IQSEC3: variants seen among roughly 807,000 people sequenced by gnomAD.
IQSEC3 encodes the protein IQ motif and SEC7 domain-containing protein 3.
In IQSEC3, 50 loss-of-function variants were observed where a neutral mutation model predicts 105.4. That is an observed-to-expected ratio of 0.47 (90% CI 0.38 to 0.60). The LOEUF (loss-of-function observed/expected upper bound fraction) is 0.60, where lower values mean the gene tolerates loss of function less well. Among genes scored for constraint, IQSEC3 ranks in the 20% least tolerant of loss-of-function variants. IQSEC3 has a pLI of 0.00. For missense variants in IQSEC3, 1,415 were observed against 1,630.0 expected (o/e 0.87, Z 2.27); for synonymous variants, 708 against 746.0 (o/e 0.95, Z 0.83).
At chr12:147,749 A>C (rs2137021698) in intron 5 of IQSEC3, 1 of 152,202 alleles carries the variant, frequency 6.6e-6, no homozygotes, top group South Asian at 2.1e-4. Context: ...GTACTCTCCC[A>C]CCTCTTACCT....
chr12:118,553 G>A (rs1555081143), intron 2 of IQSEC3, among the ~76,000 whole-genome samples: 1 of 151,176 alleles, frequency 6.6e-6, no homozygotes, highest in Non-Finnish European at 1.5e-5. Context: ...CCCTCTGGAG[G>A]AGTCTTCATA....
In IQSEC3 at chr12:111,305, G is replaced by C. The variant is rs1368606053; in HGVS notation, c.623+12091G>C. On this transcript the variant is annotated intron_variant, in intron 2 of 13. Coordinates refer to ENST00000538872, the MANE Select transcript of IQSEC3 (RefSeq NM_001170738.2). ...GCCAAAAGACCAAAGGTTGACGAAT[G>C]GGCTTTTTGGGCCAGATAAAACAAC... 3.5e-4 allele frequency among the ~76,000 whole-genome samples: 53 copies of C among 152,126 alleles called. 1 individual carries two copies. Among genetic ancestry groups the C allele is most frequent in the Admixed American group, 3.5e-3 (53 of 15,274 alleles).
chr12:138,095 C>A lies in IQSEC3; in HGVS notation c.904-172C>A, dbSNP rs902563190. 1.3e-5 allele frequency among the ~76,000 whole-genome samples: 2 copies of A among 152,138 alleles called. No homozygotes were observed. Among genetic ancestry groups the A allele is most frequent in the African/African-American group, 4.8e-5 (2 of 41,426 alleles). ...TCCTACACCTCTAGGAGTCTTGCCA[C>A]GTGGCCAGGACGTTCTAGGCGGTTC... On this transcript the variant is annotated intron_variant, in intron 3 of 13. Transcript: ENST00000538872. This position sits in a 1 kb window ranked among gnomAD's most constrained non-coding sequence, Gnocchi z 7.1.
intron 2 of IQSEC3, among the ~76,000 whole-genome samples, chr12:100,550 T>TCC (rs1864391601): frequency 6.6e-6 from 1 of 152,094 alleles, no homozygotes; most frequent in African/African-American, 2.4e-5. Flanking sequence ...GGCGGGGCTC[T>TCC]GAGGAGGACT....
At chr12:92,134 T>A (rs781840031) in intron 1 of IQSEC3, among the ~76,000 whole-genome samples, 6 of 152,078 alleles carry the variant, frequency 3.9e-5, no homozygotes, top group Non-Finnish European at 5.9e-5. Context: ...CTCATCAATA[T>A]GGGGGATTTG....
At chr12:70,295 T>C (rs1863263137) in intron 1 of IQSEC3, among the ~76,000 whole-genome samples, 1 of 152,252 alleles carries the variant, frequency 6.6e-6, no homozygotes, top group African/African-American at 2.4e-5. Flanking sequence ...ATGAATCATT[T>C]AATTGCCATC....
intron 2 of IQSEC3, among the ~76,000 whole-genome samples, chr12:102,197 G>A (rs1555076364): frequency 1.3e-5 from 2 of 150,638 alleles, no homozygotes; most frequent in Non-Finnish European, 3.0e-5. Context: ...CGTCAGTCTG[G>A]CTCCTCCCCC....
chr12:100,400 T>C (rs7315284), intron 2 of IQSEC3, among the ~76,000 whole-genome samples: 41,810 of 152,114 alleles, frequency 0.27, 6,834 homozygotes, highest in East Asian at 0.74. Flanking sequence ...TCTGTGATCT[T>C]TCCCCCTTTA....
At chr12:174,454 C>T in intron 13 of IQSEC3, 145 bp from the exon 14 acceptor site, 1 of 771,308 alleles carries the variant, frequency 1.3e-6, no homozygotes, top group Non-Finnish European at 2.0e-6. Flanking sequence ...GCAACCCAGT[C>T]TTCTTGTGGG....
chr12:106,021 CTG>C (rs1479646996), intron 2 of IQSEC3, among the ~76,000 whole-genome samples: 6 of 152,206 alleles, frequency 3.9e-5, no homozygotes, highest in African/African-American at 1.4e-4. Context: ...CCTGCTAACT[CTG>C]TGTCGGTTTT....
In IQSEC3 at chr12:139,036, C is replaced by T. The variant is rs56204927; in HGVS notation, c.1673C>T (p.Ala558Val). ...GCCGAGGACTCATGCGCAGAGGCTG[C>T]GGCTAGTGGGGCGGCGGATGGGGCC... ...ASAEDSCAEA[A>V]ASGAADGATA... The change falls in exon 4 of 14, where the codon GCG (alanine) becomes GTG (valine). Residue 558 changes from alanine (A) to valine (V), a missense_variant. Coordinates refer to ENST00000538872, the MANE Select transcript of IQSEC3 (RefSeq NM_001170738.2). 2.0e-6 allele frequency: 3 copies of T among 1,494,634 alleles called. No homozygotes were observed. Among genetic ancestry groups the T allele is most frequent in the Non-Finnish European group, 2.7e-6 (3 of 1,121,604 alleles). The allele number at this position is 1,494,634 out of a possible 1,614,324, so 92.6% of individuals were successfully genotyped here. A position where few individuals can be genotyped will look rare whatever the true frequency, so the allele number is the denominator to read the frequency against.
chr12:163,675 G>C, intron 9 of IQSEC3, 56 bp downstream of exon 9: 1 of 1,012,156 alleles, frequency 9.9e-7, no homozygotes, highest in Non-Finnish European at 1.6e-6. Context: ...TGCCGCCCTG[G>C]TCAGCCTGGG....
intron 1 of IQSEC3, among the ~76,000 whole-genome samples, chr12:87,931 C>T (rs74432491): frequency 7.2e-5 from 11 of 152,122 alleles, no homozygotes; most frequent in African/African-American, 2.7e-4. Flanking sequence ...CTGTTGTATA[C>T]GTGCGGTTAG....
At chr12:88,590 G>A (rs1863988761) in intron 1 of IQSEC3, among the ~76,000 whole-genome samples, 1 of 152,192 alleles carries the variant, frequency 6.6e-6, no homozygotes, top group African/African-American at 2.4e-5. Context: ...GCAGAACACT[G>A]AACCTGGTTG....
Position 157,700 on chromosome 12 carries a change from G to T in IQSEC3, c.2443+6G>T, listed in dbSNP as rs781791141. On this transcript the variant is annotated splice_donor_region_variant and intron_variant, in intron 7 of 13. Transcript: ENST00000538872. Reference sequence around the variant, plus strand: ...CTTCATCCGAAACCTTCGAGGTGAGGAGGTGGGCACTGGGGCAGGAGGGGC... The same window carrying T: ...CTTCATCCGAAACCTTCGAGGTGAGTAGGTGGGCACTGGGGCAGGAGGGGC... 1.2e-6 allele frequency: 2 copies of T among 1,610,114 alleles called. No homozygotes were observed. Among genetic ancestry groups the T allele is most frequent in the Admixed American group, 1.7e-5 (1 of 59,866 alleles).
chr12:98,548 G>A (rs901648414), intron 1 of IQSEC3, among the ~76,000 whole-genome samples: 1 of 152,172 alleles, frequency 6.6e-6, no homozygotes, highest in Non-Finnish European at 1.5e-5. Flanking sequence ...CACAGCTGGC[G>A]AACTGTAGAG....
At chr12:88,098 C>T (rs547135283) in intron 1 of IQSEC3, among the ~76,000 whole-genome samples, 1 of 152,272 alleles carries the variant, frequency 6.6e-6, no homozygotes, top group East Asian at 1.9e-4. Flanking sequence ...GGGTTAGAAG[C>T]ATGTTTTCTC....
At position 169,019 on chromosome 12, in the gene IQSEC3, T is replaced by G; in HGVS notation, c.2978T>G (p.Leu993Arg). The G allele has an allele frequency of 6.2e-7, 1 of 1,614,004 alleles. No homozygotes were observed. Among genetic ancestry groups the G allele is most frequent in the Non-Finnish European group, 8.5e-7 (1 of 1,179,952 alleles). The change falls in exon 12 of 14, where the codon CTG becomes CGG. Residue 993 changes from leucine to arginine, a missense_variant. Coordinates refer to ENST00000538872, the MANE Select transcript of IQSEC3 (RefSeq NM_001170738.2). Reference protein sequence around the residue: ...ELEQIRIEWELEKQQGTKTLS... With the variant: ...ELEQIRIEWEREKQQGTKTLS... ...GGGCCTCTGCATTCCTTAGGGGAGC[T>G]GGAGAAGCAGCAGGGAACAAAGACA...
chr12:109,718 C>A (rs1244560952), intron 2 of IQSEC3, among the ~76,000 whole-genome samples: 2 of 152,146 alleles, frequency 1.3e-5, no homozygotes, highest in Non-Finnish European at 2.9e-5. Context: ...TTCCCCCAGC[C>A]CTGCCAACCT....
Sources: gnomAD v4.1 joint callset for allele counts (sites outside exome capture counted in the v4.1 genomes callset) on GRCh38, gnomAD v4.1.1 for gene constraint, Gnocchi (gnomAD v3.1) non-coding constraint, MANE v1.5 for transcripts, NCBI Gene and HGNC (gene_info 2026-07-23, HGNC 2026-07-21) for gene names.